Variants in SCP2 observed in about 807,000 individuals in gnomAD.
SCP2 encodes the protein SCP-2/3-oxoacyl-CoA thiolase.
Under a neutral mutation model 71.4 loss-of-function variants are expected in SCP2, and 48 were observed. The observed-to-expected ratio is 0.67, with a 90% CI of 0.53 to 0.86. The LOEUF is 0.86. Among genes scored for constraint, SCP2 ranks in the 40% least tolerant of loss-of-function variants. SCP2 has a pLI of 0.00. For missense variants in SCP2, 560 were observed against 655.6 expected (o/e 0.85, Z 1.59); for synonymous variants, 220 against 218.1 (o/e 1.01, Z -0.08).
intron 11 of SCP2, among the ~76,000 whole-genome samples, chr1:52,990,584 G>A (rs923450334): frequency 6.6e-6 from 1 of 151,606 alleles, no homozygotes; most frequent in Non-Finnish European, 1.5e-5. Context: ...AATACAAAAA[G>A]TTAGCCAGGC....
At chr1:53,003,197 C>A (rs1393741637) in intron 11 of SCP2, among the ~76,000 whole-genome samples, 2 of 152,050 alleles carry the variant, frequency 1.3e-5, no homozygotes, top group Non-Finnish European at 1.5e-5. Context: ...GGAGAAAGCC[C>A]TGAATTTCTG....
intron 11 of SCP2, among the ~76,000 whole-genome samples, chr1:53,012,296 G>A (rs1661035681): frequency 6.6e-6 from 1 of 152,214 alleles, no homozygotes; most frequent in African/African-American, 2.4e-5. Flanking sequence ...CAGTCTATTA[G>A]CATTAGATCA....
At chr1:52,937,672 G>A (rs1054750620) in intron 1 of SCP2, among the ~76,000 whole-genome samples, 3 of 152,220 alleles carry the variant, frequency 2.0e-5, no homozygotes, top group Non-Finnish European at 4.4e-5. Context: ...ACCCATTAGT[G>A]AGTCGTGAAC....
chr1:52,956,161 G>A (rs1017229021), intron 5 of SCP2, among the ~76,000 whole-genome samples: 5 of 152,074 alleles, frequency 3.3e-5, no homozygotes, highest in African/African-American at 1.2e-4. Context: ...AAAATTAGCC[G>A]GGTGTGGTGA....
intron 2 of SCP2, chr1:52,943,556 T>C (rs1433144120): frequency 1.6e-5 from 5 of 316,924 alleles, no homozygotes; most frequent in Admixed American, 3.9e-5. Flanking sequence ...TCTGCATATG[T>C]AGTATGCTAG....
intron 5 of SCP2, among the ~76,000 whole-genome samples, chr1:52,960,570 A>G (rs1198389242): frequency 2.0e-5 from 3 of 146,344 alleles, no homozygotes; most frequent in Non-Finnish European, 4.5e-5. Context: ...ATGTATGTAT[A>G]TATATGTATA....
At chr1:53,008,106 A>C (rs1011490464) in intron 11 of SCP2, among the ~76,000 whole-genome samples, 2 of 152,220 alleles carry the variant, frequency 1.3e-5, no homozygotes, top group Non-Finnish European at 2.9e-5. Flanking sequence ...GAATAGACCA[A>C]TAACAGGCTT....
intron 1 of SCP2, among the ~76,000 whole-genome samples, chr1:52,934,453 G>T (rs1254610456): frequency 6.6e-6 from 1 of 151,716 alleles, no homozygotes; most frequent in Non-Finnish European, 1.5e-5. Flanking sequence ...ATGATGTTCT[G>T]CATTCTTTAA....
intron 11 of SCP2, among the ~76,000 whole-genome samples, chr1:52,991,040 A>G (rs1483650205): frequency 6.6e-6 from 1 of 152,208 alleles, no homozygotes; most frequent in Admixed American, 6.5e-5. Context: ...AATAGTGGCT[A>G]TGAATGGAAA....
intron 14 of SCP2, among the ~76,000 whole-genome samples, chr1:53,041,679 C>A (rs1311022418): frequency 2.6e-5 from 4 of 152,046 alleles, no homozygotes; most frequent in Non-Finnish European, 5.9e-5. Context: ...AGTAAGTGTT[C>A]TGAGAGTAGA....
At chr1:53,001,846 A>G (rs2150210180) in intron 11 of SCP2, among the ~76,000 whole-genome samples, 1 of 152,224 alleles carries the variant, frequency 6.6e-6, no homozygotes, top group African/African-American at 2.4e-5. Context: ...TTTGACATTT[A>G]TGCTCATAGT....
intron 2 of SCP2, among the ~76,000 whole-genome samples, chr1:52,943,226 CTTT>C (rs1217932879): frequency 7.1e-6 from 1 of 141,358 alleles, no homozygotes; most frequent in African/African-American, 2.6e-5. Flanking sequence ...ATGGTGGGTT[CTTT>C]TTTTTTTTTT....
intron 6 of SCP2, among the ~76,000 whole-genome samples, chr1:52,962,386 A>G (rs1204044452): frequency 6.6e-6 from 1 of 152,060 alleles, no homozygotes; most frequent in Non-Finnish European, 1.5e-5. Context: ...GGAGTGTTCT[A>G]ACTGGTTTCT....
At chr1:52,987,972 T>C in intron 10 of SCP2, 57 bp from the exon 11 acceptor site, 1 of 905,134 alleles carries the variant, frequency 1.1e-6, no homozygotes, top group Non-Finnish European at 1.9e-6. Flanking sequence ...TATAAAAGCA[T>C]ATCATTTGTT....
At chr1:53,018,224 C>G (rs993152539) in intron 12 of SCP2, among the ~76,000 whole-genome samples, 2 of 152,194 alleles carry the variant, frequency 1.3e-5, no homozygotes, top group Admixed American at 6.5e-5. Flanking sequence ...AAGAATAATA[C>G]AAGGAACTCC....
intron 12 of SCP2, among the ~76,000 whole-genome samples, chr1:53,017,382 C>G (rs562523885): frequency 5.3e-5 from 8 of 152,360 alleles, no homozygotes; most frequent in South Asian, 2.1e-4. Context: ...CTTCTAGCCT[C>G]TGGCAACCAC....
chr1:52,950,359 A>T (rs1572070392), intron 3 of SCP2, among the ~76,000 whole-genome samples: 1 of 152,176 alleles, frequency 6.6e-6, no homozygotes, highest in Non-Finnish European at 1.5e-5. Context: ...TGACCGCGTG[A>T]TCTGCCCGCC....
chr1:52,940,628 A>G (rs1282006517), intron 1 of SCP2, among the ~76,000 whole-genome samples: 2 of 152,232 alleles, frequency 1.3e-5, no homozygotes, highest in Admixed American at 6.5e-5. Flanking sequence ...GGTTGTGAGG[A>G]TTAAATGAGT....
chr1:52,949,942 CTACTT>C (rs1430410042), intron 3 of SCP2, among the ~76,000 whole-genome samples: 1 of 152,150 alleles, frequency 6.6e-6, no homozygotes, highest in Non-Finnish European at 1.5e-5. Flanking sequence ...AGAGGAACCT[CTACTT>C]TACTTTTTAC....
Sources: gnomAD v4.1 joint callset for allele counts (sites outside exome capture counted in the v4.1 genomes callset) on GRCh38, gnomAD v4.1.1 for gene constraint, MANE v1.5 for transcripts, NCBI Gene and HGNC (gene_info 2026-07-23, HGNC 2026-07-21) for gene names.